Variants in RBFOX1 observed in about 807,000 individuals in gnomAD.
The protein encoded by RBFOX1 is RNA binding fox-1 homolog 1.
RBFOX1 carries 8 observed loss-of-function variants against 57.7 expected under a neutral mutation model. The ratio of observed to expected loss-of-function variants is 0.14; its 90% confidence interval spans 0.08 to 0.25. RBFOX1 has a LOEUF of 0.25. RBFOX1 is among the 10% of genes least tolerant of loss of function. The pLI is 1.00. For synonymous variants in RBFOX1, 326 were observed against 222.4 expected, an observed-to-expected ratio of 1.47 and a Z score of -4.15; for missense variants, 611 against 548.5, an observed-to-expected ratio of 1.11 and a Z score of -1.14.
At chr16:6,902,254 T>C in intron 3 of RBFOX1, among the ~76,000 whole-genome samples, 1 of 152,194 alleles carries the variant, frequency 6.6e-6, no homozygotes, top group Non-Finnish European at 1.5e-5. Flanking sequence ...AGTTTCTGTA[T>C]TGAAGCCCCG....
At chr16:7,016,573 A>C (rs1277300133) in intron 3 of RBFOX1, among the ~76,000 whole-genome samples, 1 of 152,128 alleles carries the variant, frequency 6.6e-6, no homozygotes, top group African/African-American at 2.4e-5. Flanking sequence ...CATCTCACGT[A>C]ATTCCTCCAG....
At chr16:6,968,830 T>C (rs2084879160) in intron 3 of RBFOX1, among the ~76,000 whole-genome samples, 1 of 152,006 alleles carries the variant, frequency 6.6e-6, no homozygotes, top group South Asian at 2.1e-4. Context: ...TGTTTTTTTT[T>C]TTTTAAAGAA....
chr16:7,664,407 T>C (rs137983258), intron 12 of RBFOX1, among the ~76,000 whole-genome samples: 44 of 152,298 alleles, frequency 2.9e-4, no homozygotes, highest in African/African-American at 1.1e-3. Context: ...TGAAAGAATA[T>C]AGAAGAAAAT....
At chr16:5,794,200 A>G (rs575115009) in intron 3 of RBFOX1, among the ~76,000 whole-genome samples, 1 of 152,288 alleles carries the variant, frequency 6.6e-6, no homozygotes, top group South Asian at 2.1e-4. Context: ...TATACTGAGC[A>G]TTGCATGGAA....
chr16:6,253,503 A>T (rs1204434957), intron 1 of RBFOX1, among the ~76,000 whole-genome samples: 2 of 152,178 alleles, frequency 1.3e-5, no homozygotes, highest in Non-Finnish European at 2.9e-5. Flanking sequence ...GCCAGGACCC[A>T]AATTTGGTGA....
chr16:7,013,757 A>G (rs915151833), intron 3 of RBFOX1, among the ~76,000 whole-genome samples: 1 of 151,970 alleles, frequency 6.6e-6, no homozygotes, highest in African/African-American at 2.4e-5. Context: ...TCCCAGGCTC[A>G]AGCAATCCTC....
At chr16:5,875,190 C>T (rs2057573197) in intron 4 of RBFOX1, among the ~76,000 whole-genome samples, 1 of 152,204 alleles carries the variant, frequency 6.6e-6, no homozygotes, top group African/African-American at 2.4e-5. Context: ...CCAAGCACTG[C>T]ATTATCTTTA....
intron 5 of RBFOX1, among the ~76,000 whole-genome samples, chr16:7,524,197 G>C (rs1350574619): frequency 1.3e-5 from 2 of 152,118 alleles, no homozygotes; most frequent in African/African-American, 4.8e-5. Context: ...CATCCATCTG[G>C]TGGCCTCCAA....
At chr16:5,602,073 C>T (rs1167777836), downstream of RBFOX1, among the ~76,000 whole-genome samples, 2 of 152,214 alleles carry the variant, frequency 1.3e-5, no homozygotes, top group South Asian at 2.1e-4. Flanking sequence ...CATCTCCACC[C>T]TCTGACTGTA....
chr16:7,372,197 C>G (rs1320442111), intron 4 of RBFOX1, among the ~76,000 whole-genome samples: 1 of 152,144 alleles, frequency 6.6e-6, no homozygotes. Flanking sequence ...ACATCACTTT[C>G]TCACCATCAG....
rs577846535 is a variant in RBFOX1 at position 7,412,656 on chromosome 16, C to A, written c.28-105491C>A. 1.6e-4 allele frequency among the ~76,000 whole-genome samples: 25 copies of A among 152,330 alleles called. No homozygotes were observed. In the South Asian group the frequency reaches 5.0e-3, roughly 30 times the overall value. ...ATTCTATCTTAGATTTCTCCCATGTCTGTTAGACTCCCAAAGGCTTTTACC... is the reference window on the plus strand; with the variant it reads ...ATTCTATCTTAGATTTCTCCCATGTATGTTAGACTCCCAAAGGCTTTTACC... On this transcript the variant is annotated intron_variant, in intron 4 of 15. Transcript: ENST00000550418.
chr16:7,367,310 A>T (rs1003008524), intron 4 of RBFOX1, among the ~76,000 whole-genome samples: 2 of 152,174 alleles, frequency 1.3e-5, no homozygotes, highest in Non-Finnish European at 2.9e-5. Flanking sequence ...AGTCATCATC[A>T]TGTTGGTTCT....
At chr16:6,738,864 A>C (rs1055682377) in intron 3 of RBFOX1, among the ~76,000 whole-genome samples, 1 of 152,178 alleles carries the variant, frequency 6.6e-6, no homozygotes, top group African/African-American at 2.4e-5. Context: ...TTGGAAGCTA[A>C]ACAGTAAACT....
rs73516456 is a variant in RBFOX1 at position 5,530,518 on chromosome 16, T to C, written c.258+63264T>C. 5.1e-3 allele frequency among the ~76,000 whole-genome samples: 770 copies of C among 152,290 alleles called. 12 individuals carry two copies. Among genetic ancestry groups the C allele is most frequent in the African/African-American group, 0.018 (728 of 41,574 alleles). ...CTTCAAGCTAAACTGTAAACATTGG[T>C]GTTCAGTAGGTGTTACTCTCTGCGG... On this transcript the variant is annotated intron_variant, in intron 2 of 2. Transcript: ENST00000585867.
intron 1 of RBFOX1, among the ~76,000 whole-genome samples, chr16:5,386,269 A>G (rs1174737896): frequency 6.6e-6 from 1 of 151,990 alleles, no homozygotes; most frequent in Non-Finnish European, 1.5e-5. Flanking sequence ...GGGTGGGTAG[A>G]TAGAGCTGGG....
intron 3 of RBFOX1, among the ~76,000 whole-genome samples, chr16:6,865,052 G>C (rs1376174695): frequency 1.5e-5 from 2 of 131,708 alleles, no homozygotes; most frequent in African/African-American, 6.2e-5. Flanking sequence ...ACCCAGGCTG[G>C]AGTGCAGTGG....
chr16:7,710,849 A>AG lies in RBFOX1; in HGVS notation c.*104_*105insG. The AG allele has an allele frequency of 1.9e-6, 2 of 1,078,008 alleles. No homozygotes were observed. The highest frequency in any genetic ancestry group is 6.7e-5 in the Admixed American group (2 of 29,826). The allele number at this position is 1,078,008 out of a possible 1,614,324, so 66.8% of individuals were successfully genotyped here. ...GTACATCATTTTAGCAACTCTAAAA[A>AG]AAAAAAAAATACAAATAAAAAGGAA... On this transcript the variant is annotated 3_prime_UTR_variant, in exon 16 of 16. Transcript: ENST00000550418.
At chr16:7,193,377 C>G (rs377406655) in intron 4 of RBFOX1, among the ~76,000 whole-genome samples, 3 of 152,194 alleles carry the variant, frequency 2.0e-5, no homozygotes, top group Admixed American at 2.0e-4. Context: ...CCCACAAACT[C>G]CTTAATTGTA....
intron 1 of RBFOX1, among the ~76,000 whole-genome samples, chr16:5,415,862 A>T (rs2067146778): frequency 6.6e-6 from 1 of 152,192 alleles, no homozygotes; most frequent in Non-Finnish European, 1.5e-5. Flanking sequence ...TTTGTTGGTT[A>T]TAAAGGCCGG....
Sources: gnomAD v4.1 joint callset for allele counts (sites outside exome capture counted in the v4.1 genomes callset) on GRCh38, gnomAD v4.1.1 for gene constraint, MANE v1.5 for transcripts, NCBI Gene and HGNC (gene_info 2026-07-23, HGNC 2026-07-21) for gene names.